Variants in CDYL2 observed in about 807,000 individuals in gnomAD.
The protein encoded by CDYL2 is chromodomain Y-like protein 2.
In CDYL2, 23 loss-of-function variants were observed where a neutral mutation model predicts 49.4. The observed-to-expected ratio is 0.47, with a 90% CI of 0.34 to 0.66. CDYL2 has a LOEUF of 0.66. Among genes scored for constraint, CDYL2 ranks in the 30% least tolerant of loss-of-function variants. The pLI, the probability that CDYL2 is intolerant of heterozygous loss-of-function variation, is 0.01. For synonymous variants in CDYL2, 360 were observed against 268.8 expected, an observed-to-expected ratio of 1.34 and a Z score of -3.32; for missense variants, 678 against 656.4, an observed-to-expected ratio of 1.03 and a Z score of -0.36.
intron 1 of CDYL2, among the ~76,000 whole-genome samples, chr16:80,775,217 T>C (rs1907041046): frequency 6.6e-6 from 1 of 151,652 alleles, no homozygotes; most frequent in Non-Finnish European, 1.5e-5. Flanking sequence ...TATATAAAAA[T>C]ATATTATAAG....
intron 1 of CDYL2, among the ~76,000 whole-genome samples, chr16:80,699,439 A>G (rs968367801): frequency 2.0e-5 from 3 of 152,208 alleles, no homozygotes; most frequent in Non-Finnish European, 4.4e-5. Flanking sequence ...ACTAGTACTC[A>G]CTCATACGTG....
At chr16:80,656,716 G>C (rs936817245) in intron 2 of CDYL2, among the ~76,000 whole-genome samples, 2 of 152,168 alleles carry the variant, frequency 1.3e-5, no homozygotes, top group Admixed American at 6.5e-5. Flanking sequence ...AAATACAAAA[G>C]GAGAGAGTCA....
chr16:80,718,465 G>C (rs1385059489), intron 1 of CDYL2, among the ~76,000 whole-genome samples: 1 of 152,106 alleles, frequency 6.6e-6, no homozygotes, highest in Non-Finnish European at 1.5e-5. Flanking sequence ...GAGAATTAAA[G>C]TGCTCACCCT....
At chr16:80,670,803 G>A (rs535129776) in intron 2 of CDYL2, 76 of 407,778 alleles carry the variant, frequency 1.9e-4, no homozygotes, top group Non-Finnish European at 3.1e-4. Flanking sequence ...CGAGGCTGGC[G>A]CTCCCAGGAA....
chr16:80,791,025 C>T (rs1241182619), intron 1 of CDYL2, among the ~76,000 whole-genome samples: 2 of 152,190 alleles, frequency 1.3e-5, no homozygotes, highest in Non-Finnish European at 1.5e-5. Flanking sequence ...CACTTTTCAT[C>T]GCCTGTTAGA....
intron 5 of CDYL2, among the ~76,000 whole-genome samples, chr16:80,609,219 G>C (rs1389272251): frequency 6.6e-6 from 1 of 152,240 alleles, no homozygotes; most frequent in African/African-American, 2.4e-5. Context: ...ATAGTAATGA[G>C]CTGCAACTGA....
intron 1 of CDYL2, among the ~76,000 whole-genome samples, chr16:80,778,881 G>A (rs550461771): frequency 6.6e-6 from 1 of 152,112 alleles, no homozygotes; most frequent in South Asian, 2.1e-4. Context: ...AAGTCAGAGG[G>A]AAAATAATGA....
intron 1 of CDYL2, among the ~76,000 whole-genome samples, chr16:80,709,486 G>C (rs138988249): frequency 6.6e-6 from 1 of 150,714 alleles, no homozygotes; most frequent in Non-Finnish European, 1.5e-5. Context: ...GCACAATTTC[G>C]TCCATGAGAA....
intron 5 of CDYL2, among the ~76,000 whole-genome samples, chr16:80,610,415 A>G (rs2142362863): frequency 6.6e-6 from 1 of 152,314 alleles, no homozygotes; most frequent in South Asian, 2.1e-4. Flanking sequence ...CAAAAGAAAC[A>G]TCCTGGAGTC....
intron 2 of CDYL2, among the ~76,000 whole-genome samples, chr16:80,647,658 A>T (rs1394557464): frequency 2.0e-5 from 3 of 152,180 alleles, no homozygotes; most frequent in Non-Finnish European, 2.9e-5. Context: ...ACAAAGAAAT[A>T]TTGGACTTCA....
intron 3 of CDYL2, among the ~76,000 whole-genome samples, chr16:80,623,804 G>A (rs889095948): frequency 6.6e-6 from 1 of 152,122 alleles, no homozygotes; most frequent in Admixed American, 6.5e-5. Context: ...GTCCTTCACC[G>A]CAGGCTAGGC....
At chr16:80,703,995 A>G (rs950271738) in intron 1 of CDYL2, among the ~76,000 whole-genome samples, 1 of 152,220 alleles carries the variant, frequency 6.6e-6, no homozygotes, top group African/African-American at 2.4e-5. Context: ...ATTGAGTTAC[A>G]GGATAGCGGA....
At chr16:80,648,568 C>A (rs1908451478) in intron 2 of CDYL2, among the ~76,000 whole-genome samples, 1 of 151,704 alleles carries the variant, frequency 6.6e-6, no homozygotes. Flanking sequence ...TTCTACCAAA[C>A]ATTTGAAGAA....
rs144130513 is a variant in CDYL2 at position 80,667,463 on chromosome 16, G to A, written c.616+17075C>T. Among the ~76,000 whole-genome samples the A allele has an allele frequency of 5.1e-3, 783 of 152,160 alleles. 6 individuals carry two copies. Among genetic ancestry groups the A allele is most frequent in the African/African-American group, 0.018 (748 of 41,500 alleles). ...GCTCATTTTATCAGATTCCACTTAT[G>A]CATCACCTCCTCCAAGAAGCCCTCA... On this transcript the variant is annotated intron_variant, in intron 2 of 6. Coordinates refer to ENST00000570137, the MANE Select transcript of CDYL2 (RefSeq NM_152342.4).
At chr16:80,714,611 G>T (rs1040960987) in intron 1 of CDYL2, among the ~76,000 whole-genome samples, 1 of 152,008 alleles carries the variant, frequency 6.6e-6, no homozygotes, top group African/African-American at 2.4e-5. Context: ...ACAAGTTATG[G>T]TCACCTCAAT....
At chr16:80,642,202 GGAGGCCGAGGTGGGTGCTTCACTT>G (rs1175939136) in intron 2 of CDYL2, among the ~76,000 whole-genome samples, 4 of 152,294 alleles carry the variant, frequency 2.6e-5, no homozygotes, top group African/African-American at 9.6e-5. Context: ...CAGCACTTTG[GGAGGCCGAGGTGGGTGCTTCACTT>G]GAGGTCAGGA....
At chr16:80,751,165 AAC>A (rs139425155) in intron 1 of CDYL2, among the ~76,000 whole-genome samples, 4,304 of 152,268 alleles carry the variant, frequency 0.028, 199 homozygotes, top group African/African-American at 0.098. Context: ...AATTCAGGAA[AAC>A]AAAACCAAAA....
chr16:80,682,179 T>C (rs1349878628), intron 2 of CDYL2, among the ~76,000 whole-genome samples: 1 of 152,142 alleles, frequency 6.6e-6, no homozygotes, highest in African/African-American at 2.4e-5. Flanking sequence ...GCACCAGTGC[T>C]ATGGGATGTG....
At chr16:80,740,169 A>G (rs1905685176) in intron 1 of CDYL2, among the ~76,000 whole-genome samples, 1 of 152,200 alleles carries the variant, frequency 6.6e-6, no homozygotes, top group Non-Finnish European at 1.5e-5. Context: ...GTTCCTTGCT[A>G]ACCTTGCTCT....
Sources: allele counts gnomAD v4.1 joint callset (sites outside exome capture counted in the v4.1 genomes callset), GRCh38; gene constraint gnomAD v4.1.1; transcripts MANE v1.5; gene names NCBI Gene and HGNC (gene_info 2026-07-23, HGNC 2026-07-21).